The following ULK4 variants were observed in gnomAD, a reference collection of about 807,000 sequenced individuals.
ULK4 encodes unc-51 like kinase 4.
In ULK4, 133 loss-of-function variants were observed where a neutral mutation model predicts 160.6. That is an observed-to-expected ratio of 0.83 (90% CI 0.72 to 0.96). ULK4 has a LOEUF of 0.96. Ranked by LOEUF, ULK4 falls within the 40% of genes least tolerant of loss-of-function variation. The probability of loss-of-function intolerance (pLI) is 0.00; values close to 1 mark genes in which losing one functional copy is unlikely to be tolerated. For synonymous variants in ULK4, 534 were observed against 539.8 expected (o/e 0.99, Z 0.15); for missense variants, 1,580 against 1,499.5 (o/e 1.05, Z -0.89).
chr3:41,365,884 T>C (rs563207067), intron 35 of ULK4, among the ~76,000 whole-genome samples: 45 of 152,306 alleles, frequency 3.0e-4, no homozygotes, highest in Admixed American at 2.9e-3. Flanking sequence ...TGACTGATTT[T>C]CTTGATTAAA....
At chr3:41,283,360 C>A (rs1449509874) in intron 35 of ULK4, among the ~76,000 whole-genome samples, 1 of 152,148 alleles carries the variant, frequency 6.6e-6, no homozygotes, top group Admixed American at 6.5e-5. Context: ...ATGTTTATTG[C>A]CACACTATTC....
chr3:41,447,604 T>C (rs750572316), intron 34 of ULK4, among the ~76,000 whole-genome samples: 2 of 152,174 alleles, frequency 1.3e-5, no homozygotes, highest in African/African-American at 2.4e-5. Context: ...CTGGGGACTT[T>C]CCTGTTAGAA....
chr3:41,310,087 TC>T (rs1168844298), intron 35 of ULK4, among the ~76,000 whole-genome samples: 1 of 152,196 alleles, frequency 6.6e-6, no homozygotes, highest in African/African-American at 2.4e-5. Flanking sequence ...TGAAGGCTCC[TC>T]AACCTTTTTT....
At chr3:41,519,596 T>C (rs1263424325) in intron 32 of ULK4, among the ~76,000 whole-genome samples, 1 of 152,110 alleles carries the variant, frequency 6.6e-6, no homozygotes, top group African/African-American at 2.4e-5. Context: ...TACATGAACA[T>C]GTAGGAAAAA....
chr3:41,649,314 G>A lies in ULK4; in HGVS notation c.3071+14293C>T, dbSNP rs909582222. ...TGTGGCCAAGGATGCACACTCTGTG[G>A]GGCCAGCAAGAGGCAGGAACAGGCA... is the stretch of plus-strand genomic sequence containing the variant. On this transcript the variant is annotated intron_variant, in intron 30 of 36. Transcript: ENST00000301831. 6.6e-5 allele frequency among the ~76,000 whole-genome samples: 10 copies of A among 152,088 alleles called. No homozygotes were observed. The South Asian group carries it at 2.1e-3, about 32-fold the overall frequency.
At chr3:41,958,814 A>C (rs992519766) in intron 1 of ULK4, among the ~76,000 whole-genome samples, 1 of 152,212 alleles carries the variant, frequency 6.6e-6, no homozygotes, top group Admixed American at 6.5e-5. Flanking sequence ...TTAGCGGGTA[A>C]ACATTTTAGA....
chr3:41,384,987 C>T (rs1349684038), intron 35 of ULK4, among the ~76,000 whole-genome samples: 3 of 152,030 alleles, frequency 2.0e-5, no homozygotes, highest in Non-Finnish European at 4.4e-5. Flanking sequence ...TCCCTGAGGT[C>T]AAGGCTGCAG....
intron 18 of ULK4, among the ~76,000 whole-genome samples, chr3:41,826,151 T>C (rs35475272): frequency 0.32 from 49,108 of 152,008 alleles, 12,516 homozygotes; most frequent in African/African-American, 0.71. Context: ...CAAGAGCTCC[T>C]GAAGGAAGCA....
intron 22 of ULK4, among the ~76,000 whole-genome samples, chr3:41,718,062 G>C (rs952418009): frequency 2.0e-5 from 3 of 152,196 alleles, no homozygotes; most frequent in African/African-American, 2.4e-5. Flanking sequence ...AGCAACTTCA[G>C]ATCTCTCTGC....
intron 32 of ULK4, among the ~76,000 whole-genome samples, chr3:41,510,883 C>T (rs184903835): frequency 1.4e-3 from 207 of 152,176 alleles, no homozygotes; most frequent in African/African-American, 4.5e-3. Flanking sequence ...AAGTCTGGGA[C>T]GGGCGCAGTG....
At chr3:41,802,574 C>A (rs1162646273) in intron 19 of ULK4, among the ~76,000 whole-genome samples, 1 of 152,156 alleles carries the variant, frequency 6.6e-6, no homozygotes, top group East Asian at 1.9e-4. Context: ...GCTGCGATTA[C>A]AAGCATGAGC....
chr3:41,465,368 C>A (rs2083804804), intron 32 of ULK4, among the ~76,000 whole-genome samples: 1 of 152,142 alleles, frequency 6.6e-6, no homozygotes, highest in South Asian at 2.1e-4. Context: ...CTTATTTCTC[C>A]TGTAAATACT....
At chr3:41,439,703 T>C (rs1029415665) in intron 34 of ULK4, among the ~76,000 whole-genome samples, 3 of 152,322 alleles carry the variant, frequency 2.0e-5, no homozygotes, top group African/African-American at 7.2e-5. Flanking sequence ...TTTTGACTAT[T>C]CTAAGGTCCT....
chr3:41,910,552 C>T (rs772640695), intron 11 of ULK4, among the ~76,000 whole-genome samples: 49 of 151,498 alleles, frequency 3.2e-4, no homozygotes, highest in Non-Finnish European at 5.3e-4. Context: ...GCCAAGATCG[C>T]ACCACTGCAC....
At chr3:41,936,026 CA>C in intron 3 of ULK4, 86 bp from the exon 4 acceptor site, 1 of 1,526,410 alleles carries the variant, frequency 6.6e-7, no homozygotes, top group South Asian at 1.2e-5. Flanking sequence ...CAGATACGAA[CA>C]TTAAAAAATG....
intron 16 of ULK4, among the ~76,000 whole-genome samples, chr3:41,890,474 G>A (rs1488174116): frequency 6.6e-6 from 1 of 151,924 alleles, no homozygotes; most frequent in Non-Finnish European, 1.5e-5. Context: ...GAGGTCAGGA[G>A]TTTGAGACCA....
chr3:41,830,229 T>C (rs1014148690), intron 18 of ULK4, among the ~76,000 whole-genome samples: 4 of 151,990 alleles, frequency 2.6e-5, no homozygotes, highest in African/African-American at 9.7e-5. Context: ...CACACCAACA[T>C]GACACATGTA....
intron 35 of ULK4, among the ~76,000 whole-genome samples, chr3:41,272,588 T>A (rs967149843): frequency 2.4e-4 from 37 of 152,060 alleles, no homozygotes; most frequent in Admixed American, 2.2e-3. Flanking sequence ...GGTGTATTTT[T>A]TTTTTTTATG....
At position 41,935,923 on chromosome 3, in the gene ULK4, CT is replaced by C; in HGVS notation, c.255del (p.Val86LeufsTer13). The C allele has an allele frequency of 1.2e-6, 2 of 1,613,466 alleles. No homozygotes were observed. The highest frequency in any genetic ancestry group is 2.2e-5 in the South Asian group (2 of 90,852). ...VELCTGGSLKTVIAQDENLPE... is the reference protein window; with the variant it reads ...VELCTGGSLKXVIAQDENLPE... ...GGGAGGTTTTCATCTTGAGCAATAA[CT>C]GTTTTTAAGGAACCACCTGCAAGAG... On this transcript the variant is annotated frameshift_variant, in exon 4 of 37. Transcript: ENST00000301831. LOFTEE classifies it high-confidence loss of function.
Sources: gnomAD v4.1 joint callset for allele counts (sites outside exome capture counted in the v4.1 genomes callset) on GRCh38, gnomAD v4.1.1 for gene constraint, MANE v1.5 for transcripts, NCBI Gene and HGNC (gene_info 2026-07-23, HGNC 2026-07-21) for gene names.